The following LRRC4C variants were observed in gnomAD, a reference collection of about 807,000 sequenced individuals.
LRRC4C encodes leucine-rich repeat-containing protein 4C.
LRRC4C carries 5 observed loss-of-function variants against 33.6 expected under a neutral mutation model. The observed-to-expected ratio is 0.15, with a 90% CI of 0.08 to 0.31. The LOEUF (loss-of-function observed/expected upper bound fraction) is 0.31, where lower values mean the gene tolerates loss of function less well. LRRC4C is among the 10% of genes least tolerant of loss of function. LRRC4C has a pLI of 1.00. For synonymous variants in LRRC4C, 329 were observed against 302.0 expected (o/e 1.09, Z -0.93); for missense variants, 560 against 796.7 (o/e 0.70, Z 3.58).
chr11:40,833,102 A>C (rs1020768268), intron 2 of LRRC4C, among the ~76,000 whole-genome samples: 4 of 152,292 alleles, frequency 2.6e-5, no homozygotes, highest in African/African-American at 9.6e-5. Flanking sequence ...GTGTGGTTAT[A>C]ATGTTAGCTA....
At chr11:40,373,493 T>C (rs1948540261) in intron 3 of LRRC4C, among the ~76,000 whole-genome samples, 1 of 151,954 alleles carries the variant, frequency 6.6e-6, no homozygotes, top group African/African-American at 2.4e-5. Flanking sequence ...CAATAGGAAA[T>C]GAACAATAAA....
chr11:40,353,658 G>A (rs768329459), intron 3 of LRRC4C, among the ~76,000 whole-genome samples: 10 of 152,158 alleles, frequency 6.6e-5, no homozygotes, highest in Non-Finnish European at 1.0e-4. Context: ...GGGTTGCAGT[G>A]ACCTGAGATC....
intron 2 of LRRC4C, among the ~76,000 whole-genome samples, chr11:40,874,708 T>C (rs552164392): frequency 4.8e-4 from 73 of 152,304 alleles, no homozygotes; most frequent in African/African-American, 1.7e-3. Context: ...CTTTGAAAAG[T>C]ACAAATACAC....
chr11:40,872,348 G>A (rs1242762109), intron 2 of LRRC4C, among the ~76,000 whole-genome samples: 2 of 151,100 alleles, frequency 1.3e-5, no homozygotes, highest in South Asian at 2.1e-4. Flanking sequence ...TTTTATGCTT[G>A]TCAATTTAAT....
chr11:40,637,399 T>C (rs1302610920), intron 3 of LRRC4C, among the ~76,000 whole-genome samples: 1 of 152,192 alleles, frequency 6.6e-6, no homozygotes, highest in Non-Finnish European at 1.5e-5. Context: ...AAACTAAGTA[T>C]AGAAATAAAC....
intron 1 of LRRC4C, among the ~76,000 whole-genome samples, chr11:41,175,227 T>A (rs1214237398): frequency 6.6e-6 from 1 of 152,104 alleles, no homozygotes; most frequent in Non-Finnish European, 1.5e-5. Context: ...AGGCTTCTGG[T>A]CTTTCTGACT....
intron 5 of LRRC4C, among the ~76,000 whole-genome samples, chr11:40,214,289 C>A (rs79171300): frequency 6.6e-6 from 1 of 151,978 alleles, no homozygotes; most frequent in South Asian, 2.1e-4. Flanking sequence ...GTATATAATC[C>A]CTGGGTTTGG....
intron 6 of LRRC4C, among the ~76,000 whole-genome samples, chr11:40,131,900 C>T (rs1481718438): frequency 6.6e-6 from 1 of 152,034 alleles, no homozygotes; most frequent in Admixed American, 6.6e-5. Context: ...CATCAATATC[C>T]GTATTTGATT....
At chr11:41,280,360 G>A (rs1003133870) in intron 1 of LRRC4C, among the ~76,000 whole-genome samples, 4 of 146,944 alleles carry the variant, frequency 2.7e-5, no homozygotes, top group Admixed American at 2.7e-4. Flanking sequence ...TCCAAACCAA[G>A]GAGGGAAACA....
At chr11:40,690,300 CA>C (rs1945166408) in intron 2 of LRRC4C, among the ~76,000 whole-genome samples, 1 of 152,002 alleles carries the variant, frequency 6.6e-6, no homozygotes, top group Non-Finnish European at 1.5e-5. Context: ...AACTAAGGCT[CA>C]AAGAAGTTAA....
At chr11:41,055,116 C>T (rs1274797330) in intron 1 of LRRC4C, among the ~76,000 whole-genome samples, 1 of 152,162 alleles carries the variant, frequency 6.6e-6, no homozygotes, top group Non-Finnish European at 1.5e-5. Context: ...CCCTTTTCCT[C>T]AGAGGTTATC....
intron 4 of LRRC4C, among the ~76,000 whole-genome samples, chr11:40,314,790 G>A (rs2136788804): frequency 6.6e-6 from 1 of 152,160 alleles, no homozygotes; most frequent in Admixed American, 6.5e-5. Context: ...AGTGAAATAA[G>A]CCAGGAATGG....
At chr11:40,878,589 A>T (rs983044661) in intron 2 of LRRC4C, among the ~76,000 whole-genome samples, 3 of 152,102 alleles carry the variant, frequency 2.0e-5, no homozygotes, top group African/African-American at 7.2e-5. Flanking sequence ...AGCAATGGGG[A>T]GTGGCTATAA....
chr11:40,609,181 C>T (rs75419003), intron 3 of LRRC4C, among the ~76,000 whole-genome samples: 1 of 151,838 alleles, frequency 6.6e-6, no homozygotes, highest in Non-Finnish European at 1.5e-5. Flanking sequence ...ACAAAAAAGT[C>T]TTAATAAATT....
chr11:41,002,041 G>A (rs1252660375), intron 1 of LRRC4C, among the ~76,000 whole-genome samples: 1 of 152,068 alleles, frequency 6.6e-6, no homozygotes, highest in East Asian at 1.9e-4. Flanking sequence ...TAATCAGAAA[G>A]CATTTGTACA....
At chr11:40,517,672 T>C (rs1955618477) in intron 3 of LRRC4C, among the ~76,000 whole-genome samples, 1 of 152,018 alleles carries the variant, frequency 6.6e-6, no homozygotes, top group Non-Finnish European at 1.5e-5. Context: ...ATGGCCATAC[T>C]GCCCAAAGTA....
intron 5 of LRRC4C, among the ~76,000 whole-genome samples, chr11:40,210,046 C>T (rs1358106590): frequency 6.6e-6 from 1 of 152,150 alleles, no homozygotes; most frequent in Middle Eastern, 3.4e-3. Flanking sequence ...ATGAAGATTT[C>T]TATGTCTTCA....
At chr11:41,072,628 A>T (rs931375719) in intron 1 of LRRC4C, among the ~76,000 whole-genome samples, 1 of 152,062 alleles carries the variant, frequency 6.6e-6, no homozygotes, top group African/African-American at 2.4e-5. Flanking sequence ...CTGTAAGTCA[A>T]TGAGACCTCA....
chr11:40,609,546 TA>T (rs1960986437), intron 3 of LRRC4C, among the ~76,000 whole-genome samples: 1 of 151,060 alleles, frequency 6.6e-6, no homozygotes, highest in South Asian at 2.1e-4. Context: ...AAAAACAAAA[TA>T]AAGGTTAGAG....
Sources: gnomAD v4.1 joint callset for allele counts (sites outside exome capture counted in the v4.1 genomes callset) on GRCh38, gnomAD v4.1.1 for gene constraint, MANE v1.5 for transcripts, NCBI Gene and HGNC (gene_info 2026-07-23, HGNC 2026-07-21) for gene names.